The following PTPRN2 variants were observed in gnomAD, a reference collection of about 807,000 sequenced individuals.
PTPRN2 encodes the protein receptor-type tyrosine-protein phosphatase N2.
A neutral mutation model predicts 118.8 loss-of-function variants in PTPRN2; 74 were observed. The ratio of observed to expected loss-of-function variants is 0.62; its 90% CI spans 0.52 to 0.76. PTPRN2 has a LOEUF of 0.76. PTPRN2 is among the 30% of genes least tolerant of loss of function. The pLI is 0.00. For synonymous variants in PTPRN2, 641 were observed against 608.0 expected (o/e 1.05, Z -0.80); for missense variants, 1,481 against 1,394.4 (o/e 1.06, Z -0.99).
At chr7:157,641,741 G>A (rs1804678295) in intron 14 of PTPRN2, among the ~76,000 whole-genome samples, 1 of 152,192 alleles carries the variant, frequency 6.6e-6, no homozygotes, top group African/African-American at 2.4e-5. Context: ...CCTGGCTCAT[G>A]CATCCTAAGT....
chr7:157,897,750 G>A (rs1375749487), intron 12 of PTPRN2, among the ~76,000 whole-genome samples: 1 of 152,262 alleles, frequency 6.6e-6, no homozygotes, highest in Non-Finnish European at 1.5e-5. Context: ...GGCCTGGTGA[G>A]GACGAGATTT....
rs4716762 is a variant in PTPRN2 at position 157,611,247 on chromosome 7, C to T, written c.2345-7172G>A. 0.15 allele frequency among the ~76,000 whole-genome samples: 22,890 copies of T among 152,084 alleles called. 1,906 individuals are homozygous for T. The highest frequency in any genetic ancestry group is 0.25 in the East Asian group (1,290 of 5,172). On this transcript the variant is annotated intron_variant, in intron 15 of 22. Coordinates refer to ENST00000389418, the MANE Select transcript of PTPRN2 (RefSeq NM_002847.5). This position sits in a 1 kb window ranked among gnomAD's most constrained non-coding sequence, Gnocchi z 5.9. The stretch of plus-strand genomic sequence containing the variant: ...GACAGATCTCTCAGAAAGTCGCCCC[C>T]CAATGGGATCGGAAGCATGTTGGGC...
At chr7:158,325,719 C>A (rs1803450324) in intron 2 of PTPRN2, among the ~76,000 whole-genome samples, 1 of 152,110 alleles carries the variant, frequency 6.6e-6, no homozygotes, top group African/African-American at 2.4e-5. Context: ...GAGAGACACC[C>A]GGCAAACCAC....
Position 158,006,988 on chromosome 7 carries a change from C to G in PTPRN2, c.1723+74310G>C, listed in dbSNP as rs528591120. Among the ~76,000 whole-genome samples, 20 of 152,280 alleles carry G rather than the reference C, an allele frequency of 1.3e-4. No homozygotes were observed. In the East Asian group the frequency reaches 3.5e-3, roughly 27 times the overall value. ...CGGCTCAAACAACAGAAATGTACTC[C>G]GTCACAGTTCTGGGGGCTGAAGTCT... On this transcript the variant is annotated intron_variant, in intron 11 of 22. Coordinates refer to ENST00000389418, the MANE Select transcript of PTPRN2 (RefSeq NM_002847.5).
At chr7:157,668,643 C>A (rs1796256859) in intron 13 of PTPRN2, among the ~76,000 whole-genome samples, 1 of 152,204 alleles carries the variant, frequency 6.6e-6, no homozygotes. Flanking sequence ...AGGGCCCTGG[C>A]CTTCAGCTCA....
chr7:158,578,727 A>G (rs1828474453), intron 1 of PTPRN2, among the ~76,000 whole-genome samples: 1 of 150,972 alleles, frequency 6.6e-6, no homozygotes, highest in African/African-American at 2.4e-5. Context: ...CCCAGTGTCT[A>G]TTGTTCCCTT....
intron 12 of PTPRN2, among the ~76,000 whole-genome samples, chr7:157,752,124 C>T (rs567853739): frequency 6.0e-4 from 91 of 152,352 alleles, no homozygotes; most frequent in African/African-American, 2.1e-3. Context: ...CACGCACTCA[C>T]GAGGGGCTCT....
intron 3 of PTPRN2, among the ~76,000 whole-genome samples, chr7:158,277,641 G>A (rs560778875): frequency 4.4e-4 from 67 of 152,326 alleles, no homozygotes; most frequent in Admixed American, 1.4e-3. Context: ...AGGTGCACAC[G>A]CAGGGGCTGG....
intron 15 of PTPRN2, 38 bp downstream of exon 15, chr7:157,621,324 C>A: frequency 6.7e-7 from 1 of 1,489,782 alleles, no homozygotes; most frequent in Non-Finnish European, 9.0e-7. Context: ...TTCCACCGCC[C>A]GTAACCCAGG....
chr7:158,216,559 T>G (rs1274430408), intron 3 of PTPRN2, among the ~76,000 whole-genome samples: 1 of 152,004 alleles, frequency 6.6e-6, no homozygotes, highest in Admixed American at 6.6e-5. Context: ...ATGGAAGCAA[T>G]AGCTATATTA....
At chr7:157,723,332 A>G (rs12113311) in intron 12 of PTPRN2, among the ~76,000 whole-genome samples, 87,926 of 151,986 alleles carry the variant, frequency 0.58, 26,049 homozygotes, top group Non-Finnish European at 0.62. Flanking sequence ...CTGTCACAGC[A>G]CTGGCTGAAT....
intron 1 of PTPRN2, among the ~76,000 whole-genome samples, chr7:158,571,516 C>T (rs1828035248): frequency 7.3e-6 from 1 of 136,544 alleles, no homozygotes; most frequent in East Asian, 2.3e-4. Context: ...AAAAAACACA[C>T]ACCTATTTCT....
chr7:157,676,879 G>A lies in PTPRN2; in HGVS notation c.2001+5846C>T, dbSNP rs1796694385. 6.6e-6 allele frequency among the ~76,000 whole-genome samples: 1 copy of A among 152,078 alleles called. No homozygotes were observed. The highest frequency in any genetic ancestry group is 1.5e-5 in the Non-Finnish European group (1 of 68,004). ...CCCCAGGAGCGACCCTGGCTTTGAC[G>A]AGAAGGAAGTGTTCTCTGGTTCTGG... On this transcript the variant is annotated intron_variant, in intron 13 of 22. Transcript: ENST00000389418. The surrounding 1 kb of genome is among the most constrained non-coding windows in gnomAD (Gnocchi z 5.6).
At chr7:157,707,716 C>T (rs1798405297) in intron 12 of PTPRN2, among the ~76,000 whole-genome samples, 1 of 152,122 alleles carries the variant, frequency 6.6e-6, no homozygotes, top group South Asian at 2.1e-4. Flanking sequence ...CCCATAATCC[C>T]AATTGGGATT....
intron 12 of PTPRN2, among the ~76,000 whole-genome samples, chr7:157,777,217 A>T (rs1175628883): frequency 6.6e-6 from 1 of 152,204 alleles, no homozygotes; most frequent in African/African-American, 2.4e-5. Context: ...ATTCAAACAG[A>T]TCCACAAATT....
At chr7:157,992,012 C>T (rs1804291756) in intron 11 of PTPRN2, among the ~76,000 whole-genome samples, 1 of 152,206 alleles carries the variant, frequency 6.6e-6, no homozygotes, top group Non-Finnish European at 1.5e-5. Flanking sequence ...AGGCTCCAGC[C>T]AGTATTTGAG....
At chr7:157,684,648 C>T (rs924253127) in intron 12 of PTPRN2, among the ~76,000 whole-genome samples, 28 of 149,414 alleles carry the variant, frequency 1.9e-4, no homozygotes, top group Non-Finnish European at 1.5e-5. Flanking sequence ...AAAGAAGTCA[C>T]TCTAGAGCCG....
intron 2 of PTPRN2, among the ~76,000 whole-genome samples, chr7:158,422,899 T>C (rs1815377908): frequency 6.6e-6 from 1 of 152,226 alleles, no homozygotes; most frequent in Admixed American, 6.5e-5. Flanking sequence ...ATTTGCATGG[T>C]CAGTAGAGAC....
chr7:157,658,392 A>G (rs1452091126), intron 13 of PTPRN2, among the ~76,000 whole-genome samples: 1 of 152,232 alleles, frequency 6.6e-6, no homozygotes, highest in East Asian at 1.9e-4. Context: ...CTGAGTAGAC[A>G]CCAAAGCAGA....
Sources: gnomAD v4.1 joint callset for allele counts (sites outside exome capture counted in the v4.1 genomes callset) on GRCh38, gnomAD v4.1.1 for gene constraint, Gnocchi (gnomAD v3.1) non-coding constraint, MANE v1.5 for transcripts, NCBI Gene and HGNC (gene_info 2026-07-23, HGNC 2026-07-21) for gene names.